Variants in SLC19A1 observed in about 807,000 individuals in gnomAD.
SLC19A1 encodes solute carrier family 19 member 1, also known as reduced folate transporter.
Under a neutral mutation model 35.3 loss-of-function variants are expected in SLC19A1, and 37 were observed. That is an observed-to-expected ratio of 1.05 (90% CI 0.81 to 1.38). The LOEUF is 1.38. SLC19A1 is among the 40% of genes most tolerant of loss of function. The probability of loss-of-function intolerance (pLI) is 0.00; values close to 1 mark genes in which losing one functional copy is unlikely to be tolerated. For synonymous variants in SLC19A1, 460 were observed against 398.5 expected, an observed-to-expected ratio of 1.15 and a Z score of -1.84; for missense variants, 831 against 826.9, an observed-to-expected ratio of 1.00 and a Z score of -0.06.
downstream of SLC19A1, chr21:45,511,261 GC>G: frequency 8.1e-7 from 1 of 1,229,588 alleles, no homozygotes; most frequent in Non-Finnish European, 1.2e-6. Context: ...AGCTCTGAGA[GC>G]CCCAGCCAGG....
At position 45,512,775 on chromosome 21, in the gene SLC19A1, A is replaced by C; in HGVS notation, c.*2883T>G. ...CCAGCAGGTGCTGACTTCATCTCCC[A>C]CCTAGCAGCACCGTTCTGTGCACAA... On this transcript the variant is annotated 3_prime_UTR_variant, in exon 6 of 6. Transcript: ENST00000311124. 2.9e-6 allele frequency: 1 copy of C among 349,040 alleles called. No individual in the cohort carries two copies. Among genetic ancestry groups the C allele is most frequent in the Non-Finnish European group, 5.5e-6 (1 of 182,166 alleles). 21.6% of individuals were successfully genotyped at this position (349,040 alleles called of 1,614,324 possible).
chr21:45,530,756 C>T lies in SLC19A1; in HGVS notation c.1151+14G>A. On this transcript the variant is annotated intron_variant, in intron 4 of 5. Coordinates refer to ENST00000311124, the MANE Select transcript of SLC19A1 (RefSeq NM_194255.4). This position sits in a 1 kb window ranked among gnomAD's most constrained non-coding sequence, Gnocchi z 5.3. ...GCCTGCCCGCCCCCGGCTTCCCACC[C>T]TTCTGGAACTCACGTGGCGATGGGC... is the stretch of plus-strand genomic sequence containing the variant. 1 of 1,550,646 alleles carries T rather than the reference C, an allele frequency of 6.4e-7. No individual in the cohort carries two copies. The highest frequency in any genetic ancestry group is 8.7e-7 in the Non-Finnish European group (1 of 1,147,054).
At chr21:45,562,323 C>T (rs1001102010) in intron 1 of SLC19A1, among the ~76,000 whole-genome samples, 11 of 152,102 alleles carry the variant, frequency 7.2e-5, no homozygotes, top group African/African-American at 2.7e-4. Flanking sequence ...TTCACCACAT[C>T]GGCATCGTAA....
chr21:45,508,184 T>C (rs139452043), downstream of SLC19A1, among the ~76,000 whole-genome samples: 2 of 138,824 alleles, frequency 1.4e-5, no homozygotes, highest in South Asian at 4.7e-4. Context: ...GGGAGATGGA[T>C]GGATGGTGGA....
chr21:45,518,516 C>G (rs1049637949), intron 5 of SLC19A1, among the ~76,000 whole-genome samples: 4 of 152,052 alleles, frequency 2.6e-5, no homozygotes, highest in African/African-American at 7.2e-5. Flanking sequence ...GCTGAGCAAA[C>G]CCCAAATAGA....
Position 45,562,115 on chromosome 21 carries a change from T to A in SLC19A1, c.-50+627A>T, listed in dbSNP as rs1400162209. Among the ~76,000 whole-genome samples, 3 of 114,610 alleles carry A rather than the reference T, an allele frequency of 2.6e-5. No individual in the cohort carries two copies. In the Admixed American group the frequency reaches 3.4e-4, roughly 13 times the overall value. The allele number at this position is 114,610 out of a possible 152,430, so 75.2% of individuals were successfully genotyped here. A position where few individuals can be genotyped will look rare whatever the true frequency, so the allele number is the denominator to read the frequency against. ...CATTGCACTCCAGTCTGGCAACAGATCAAGACTCTGTCTCAAAAAAAAAAA... is the reference window on the plus strand; with the variant it reads ...CATTGCACTCCAGTCTGGCAACAGAACAAGACTCTGTCTCAAAAAAAAAAA... On this transcript the variant is annotated intron_variant, in intron 1 of 5. Coordinates refer to the SLC19A1 transcript ENST00000650808.
chr21:45,551,158 G>A (rs992618953), intron 1 of SLC19A1, among the ~76,000 whole-genome samples: 12 of 151,746 alleles, frequency 7.9e-5, no homozygotes, highest in Non-Finnish European at 1.8e-4. Context: ...AGAGGCTGAG[G>A]CAGGAGAATA....
At chr21:45,538,272 A>G (rs933698294) in intron 1 of SLC19A1, among the ~76,000 whole-genome samples, 1 of 152,230 alleles carries the variant, frequency 6.6e-6, no homozygotes, top group Admixed American at 6.5e-5. Flanking sequence ...ACATGGAGTG[A>G]TTTAAGTGCC....
chr21:45,506,348 G>A (rs779823258), intron 3 of SLC19A1: 17 of 355,712 alleles, frequency 4.8e-5, no homozygotes, highest in East Asian at 7.2e-5. Context: ...GCACGGCCCC[G>A]GCTGGGGGGC....
chr21:45,525,898 C>T lies in SLC19A1; in HGVS notation c.1212G>A (p.Thr404=), dbSNP rs138417012. The change falls in exon 5 of 6, where the codon ACG becomes ACA. Residue 404 remains threonine (T), a synonymous_variant. Coordinates refer to ENST00000311124, the MANE Select transcript of SLC19A1 (RefSeq NM_194255.4). ...TGGTCTTGACGATGGTGGCAAAGAACGTGTTGACCCCGAAGACCAGGGCAC... is the reference window on the plus strand; with the variant it reads ...TGGTCTTGACGATGGTGGCAAAGAATGTGTTGACCCCGAAGACCAGGGCAC... ...ELCALVFGVN[T]FFATIVKTII... is the part of the protein sequence containing the mutation. 5.4e-4 allele frequency: 877 copies of T among 1,613,666 alleles called. 3 individuals are homozygous for T. Among genetic ancestry groups the T allele is most frequent in the Non-Finnish European group, 6.7e-4 (790 of 1,179,956 alleles).
At chr21:45,539,173 A>G (rs9977610) in intron 1 of SLC19A1, among the ~76,000 whole-genome samples, 80,312 of 152,034 alleles carry the variant, frequency 0.53, 21,606 homozygotes, top group South Asian at 0.61. Context: ...AGTGTGTCAG[A>G]CGCCCACACC....
At chr21:45,502,584 T>TTAA (rs1183779405) in intron 3 of SLC19A1, 7 of 152,036 alleles carry the variant, frequency 4.6e-5, no homozygotes, top group Non-Finnish European at 1.0e-4. Context: ...AAATCCAAAG[T>TTAA]TAATTCTTTG....
At chr21:45,506,208 T>C in intron 3 of SLC19A1, 1 of 548,568 alleles carries the variant, frequency 1.8e-6, no homozygotes, top group Non-Finnish European at 3.3e-6. Flanking sequence ...GAGGGGCTCC[T>C]GGTGGGTCAT....
chr21:45,553,676 A>ACCCCCTCCCAGTCCCCCACG (rs1196284638), intron 1 of SLC19A1, among the ~76,000 whole-genome samples: 1 of 2,714 alleles, frequency 3.7e-4, no homozygotes, highest in Non-Finnish European at 6.0e-4. Flanking sequence ...AGTCCCCCAC[A>ACCCCCTCCCAGTCCCCCACG]CCCCATCCCA....
intron 5 of SLC19A1, 27 bp downstream of exon 5, chr21:45,525,790 G>C: frequency 1.2e-6 from 2 of 1,610,752 alleles, no homozygotes; most frequent in Non-Finnish European, 1.7e-6. Context: ...TTCCATCCCC[G>C]AGGACGCAGG....
downstream of SLC19A1, among the ~76,000 whole-genome samples, chr21:45,508,756 C>A (rs1054146544): frequency 3.3e-5 from 5 of 152,108 alleles, no homozygotes; most frequent in African/African-American, 1.2e-4. Flanking sequence ...ATAGTCATGG[C>A]CCCTCCTGTG....
rs191751057 is a variant in SLC19A1 at position 45,540,782 on chromosome 21, G to A, written c.-50+1586C>T. Among the ~76,000 whole-genome samples the A allele has an allele frequency of 5.1e-3, 784 of 152,278 alleles. 7 individuals are homozygous for A. The highest frequency in any genetic ancestry group is 0.018 in the African/African-American group (745 of 41,552). Reference sequence around the variant, plus strand: ...CCCCGACCAGACAGGAGGGCCACGGGGAAGCAGAGAGAATCCCTGCCTTCA... The same window carrying A: ...CCCCGACCAGACAGGAGGGCCACGGAGAAGCAGAGAGAATCCCTGCCTTCA... On this transcript the variant is annotated intron_variant, in intron 1 of 5. Coordinates refer to ENST00000311124, the MANE Select transcript of SLC19A1 (RefSeq NM_194255.4). This position sits in a 1 kb window ranked among gnomAD's most constrained non-coding sequence, Gnocchi z 5.5.
chr21:45,505,229 C>G lies in SLC19A1; in HGVS notation c.498-6617G>C, dbSNP rs765397052. On this transcript the variant is annotated intron_variant, in intron 3 of 4. Coordinates refer to the SLC19A1 transcript ENST00000417954. ...ACGAGGGGCGCCAGGGCCCTCCCGGCCCCCCAGGCCCCCCAGGGCCCCCTT... is the reference window on the plus strand; with the variant it reads ...ACGAGGGGCGCCAGGGCCCTCCCGGGCCCCCAGGCCCCCCAGGGCCCCCTT... The G allele has an allele frequency of 4.4e-6, 7 of 1,590,594 alleles. No homozygotes were observed. Among genetic ancestry groups the G allele is most frequent in the Middle Eastern group, 1.7e-4 (1 of 5,904 alleles).
Position 45,534,226 on chromosome 21 carries a change from C to T in SLC19A1, c.190-2078G>A, listed in dbSNP as rs553841793. On this transcript the variant is annotated intron_variant, in intron 2 of 5. Transcript: ENST00000311124. The surrounding 1 kb of genome is among the most constrained non-coding windows in gnomAD (Gnocchi z 4.2). ...AATGTCCTGGGGACATCAAACAGCC[C>T]CTCTGTGGGCAAGCTCTCCTGGCTG... Among the ~76,000 whole-genome samples the T allele has an allele frequency of 7.0e-4, 107 of 152,216 alleles. No homozygotes were observed. The highest frequency in any genetic ancestry group is 1.3e-3 in the Non-Finnish European group (90 of 68,018).
Sources: allele counts gnomAD v4.1 joint callset (sites outside exome capture counted in the v4.1 genomes callset), GRCh38; gene constraint gnomAD v4.1.1; non-coding constraint Gnocchi (gnomAD v3.1); transcripts MANE v1.5; gene names NCBI Gene and HGNC (gene_info 2026-07-23, HGNC 2026-07-21).